Variants in SYTL3 observed in about 807,000 individuals in gnomAD.
The protein encoded by SYTL3 is synaptotagmin-like protein 3.
SYTL3 carries 88 observed loss-of-function variants against 82.1 expected under a neutral mutation model. The ratio of observed to expected loss-of-function variants is 1.07; its 90% confidence interval spans 0.90 to 1.28. The LOEUF (loss-of-function observed/expected upper bound fraction) is 1.28. SYTL3 is among the 50% of genes most tolerant of loss of function. The pLI, the probability that SYTL3 is intolerant of heterozygous loss-of-function variation, is 0.00. For synonymous variants in SYTL3, 311 were observed against 289.4 expected (o/e 1.07, Z -0.76); for missense variants, 831 against 757.6 (o/e 1.10, Z -1.14).
chr6:158,758,559 C>T lies in SYTL3; in HGVS notation c.1308+1178C>T, dbSNP rs550907136. On this transcript the variant is annotated intron_variant, in intron 14 of 17. Coordinates refer to ENST00000611299, the MANE Select transcript of SYTL3 (RefSeq NM_001242394.2). ...GGGCCATCTGGCTTCTTTTCCTCTC[C>T]GGAGCCAGCGCAGCTGGGATTCGCA... Among the ~76,000 whole-genome samples the T allele has an allele frequency of 2.8e-4, 42 of 152,314 alleles. No individual in the cohort carries two copies. The East Asian group carries it at 5.8e-3, about 21-fold the overall frequency.
chr6:158,737,332 C>A (rs1786317837), intron 11 of SYTL3, among the ~76,000 whole-genome samples: 1 of 152,212 alleles, frequency 6.6e-6, no homozygotes, highest in African/African-American at 2.4e-5. Context: ...CCTCATCACT[C>A]ACCATCTTAA....
intron 11 of SYTL3, among the ~76,000 whole-genome samples, chr6:158,739,596 C>G (rs965805105): frequency 6.6e-6 from 1 of 152,024 alleles, no homozygotes; most frequent in Non-Finnish European, 1.5e-5. Flanking sequence ...CTCTTTCTCT[C>G]CCTCTCCCAT....
chr6:158,731,393 A>G (rs934400269), intron 11 of SYTL3, among the ~76,000 whole-genome samples: 1 of 152,068 alleles, frequency 6.6e-6, no homozygotes, highest in Non-Finnish European at 1.5e-5. Flanking sequence ...AAAAAATAAA[A>G]AGAAAAAAAA....
intron 11 of SYTL3, among the ~76,000 whole-genome samples, chr6:158,739,561 T>C (rs1349871019): frequency 6.6e-6 from 1 of 152,072 alleles, no homozygotes; most frequent in African/African-American, 2.4e-5. Context: ...TGTATGTCTC[T>C]CTCCCTCTAT....
rs1266568668 is a variant in SYTL3 at position 158,713,848 on chromosome 6, T to A, written c.565T>A (p.Leu189Met). ...AGGATTTAATAAGTCCGTGGAAAAT[T>A]TGTTTCTGTCTCTTGCTACCCACGT... ...FRGFNKSVEN[L>M]FLSLATHVKK... Residue 189 changes from leucine to methionine, a missense_variant, in exon 9 of 18, where the codon TTG (leucine) becomes ATG (methionine). Transcript: ENST00000611299. 1 of 1,550,958 alleles carries A rather than the reference T, an allele frequency of 6.4e-7. No homozygotes were observed. The highest frequency in any genetic ancestry group is 1.2e-5 in the South Asian group (1 of 84,068).
chr6:158,710,241 A>G (rs561428456), intron 8 of SYTL3, among the ~76,000 whole-genome samples: 3 of 152,198 alleles, frequency 2.0e-5, no homozygotes, highest in Non-Finnish European at 4.4e-5. Flanking sequence ...ACACATTACT[A>G]TGGCTGGTAT....
intron 2 of SYTL3, among the ~76,000 whole-genome samples, chr6:158,652,827 C>G (rs528992172): frequency 5.9e-5 from 9 of 152,340 alleles, no homozygotes; most frequent in African/African-American, 1.9e-4. Context: ...AGGCGTGAGC[C>G]ACCGCACCCA....
At chr6:158,715,487 G>A (rs1167246362) in intron 9 of SYTL3, among the ~76,000 whole-genome samples, 1 of 152,076 alleles carries the variant, frequency 6.6e-6, no homozygotes, top group Non-Finnish European at 1.5e-5. Flanking sequence ...GCTAACCAGT[G>A]TAATACCCAG....
chr6:158,741,919 C>T (rs1397848666), intron 11 of SYTL3, among the ~76,000 whole-genome samples: 1 of 152,162 alleles, frequency 6.6e-6, no homozygotes, highest in Non-Finnish European at 1.5e-5. Flanking sequence ...TGATTGCTCT[C>T]AATTGGTTGT....
At chr6:158,751,123 A>G (rs1057451818) in intron 12 of SYTL3, among the ~76,000 whole-genome samples, 2 of 152,096 alleles carry the variant, frequency 1.3e-5, no homozygotes, top group African/African-American at 2.4e-5. Context: ...TATTTTCACA[A>G]AAAGCTTAAC....
At chr6:158,722,509 A>G (rs1419733015) in intron 10 of SYTL3, among the ~76,000 whole-genome samples, 2 of 152,092 alleles carry the variant, frequency 1.3e-5, no homozygotes, top group Non-Finnish European at 1.5e-5. Flanking sequence ...ATGTTCTGAA[A>G]ACACCCCTTC....
intron 1 of SYTL3, among the ~76,000 whole-genome samples, chr6:158,651,024 A>C (rs1787941392): frequency 6.6e-6 from 1 of 152,230 alleles, no homozygotes; most frequent in Non-Finnish European, 1.5e-5. Context: ...ATTCTAACTT[A>C]GCTGCTTTGC....
intron 11 of SYTL3, among the ~76,000 whole-genome samples, chr6:158,729,706 A>G (rs937367777): frequency 1.3e-5 from 2 of 151,064 alleles, no homozygotes; most frequent in African/African-American, 2.4e-5. Context: ...AGCTGGGACT[A>G]CAGGCGCCCG....
intron 11 of SYTL3, 132 bp downstream of exon 11, chr6:158,725,769 T>C (rs1784656633): frequency 8.3e-7 from 1 of 1,202,276 alleles, no homozygotes; most frequent in African/African-American, 1.5e-5. Flanking sequence ...AGGCATTTTA[T>C]TATCCATCCT....
chr6:158,694,331 T>C (rs1242116372), intron 6 of SYTL3, among the ~76,000 whole-genome samples: 1 of 152,082 alleles, frequency 6.6e-6, no homozygotes, highest in Non-Finnish European at 1.5e-5. Flanking sequence ...AGTTTCTCTC[T>C]GTCACCCAGG....
Position 158,665,584 on chromosome 6 carries a change from C to T in SYTL3, c.300C>T (p.Ala100=). ...QCRVFLRGTH[A]WKCTVCFEDR... Reference sequence around the variant, plus strand: ...GAGTGTTCCTGAGGGGGACCCATGCCTGGAAGTGCACGGTGTGCTTCGAGG... The same window carrying T: ...GAGTGTTCCTGAGGGGGACCCATGCTTGGAAGTGCACGGTGTGCTTCGAGG... Residue 100 remains alanine (A), a synonymous_variant, in exon 5 of 18, where the codon GCC becomes GCT. Coordinates refer to ENST00000611299, the MANE Select transcript of SYTL3 (RefSeq NM_001242394.2). 1 of 1,574,794 alleles carries T rather than the reference C, an allele frequency of 6.4e-7. No homozygotes were observed. The highest frequency in any genetic ancestry group is 8.6e-7 in the Non-Finnish European group (1 of 1,160,298).
intron 9 of SYTL3, 110 bp downstream of exon 9, chr6:158,713,988 C>T (rs1783057134): frequency 2.6e-6 from 2 of 774,990 alleles, no homozygotes; most frequent in African/African-American, 1.7e-5. Context: ...AGGCCACTCA[C>T]TTTGTCTCTG....
chr6:158,675,240 A>G (rs75073915), intron 5 of SYTL3, among the ~76,000 whole-genome samples: 2,918 of 152,226 alleles, frequency 0.019, 103 homozygotes, highest in African/African-American at 0.068. Flanking sequence ...GTAGCTGTGA[A>G]TATAGCACTG....
rs1449358600 is a variant in SYTL3, at chr6:158,744,176, C to G, written c.856-1304C>G. ...CAGTGATCCACCCTCCTTGGCCTCCCAAAGTGCTGGGATTACAAGGGTGAG... is the reference window on the plus strand; with the variant it reads ...CAGTGATCCACCCTCCTTGGCCTCCGAAAGTGCTGGGATTACAAGGGTGAG... On this transcript the variant is annotated intron_variant, in intron 11 of 17. Transcript: ENST00000611299. Among the ~76,000 whole-genome samples the G allele has an allele frequency of 3.3e-5, 5 of 151,274 alleles. No homozygotes were observed. The East Asian group carries it at 9.7e-4, about 29-fold the overall frequency.
Sources: allele counts gnomAD v4.1 joint callset (sites outside exome capture counted in the v4.1 genomes callset), GRCh38; gene constraint gnomAD v4.1.1; transcripts MANE v1.5; gene names NCBI Gene and HGNC (gene_info 2026-07-23, HGNC 2026-07-21).